The following PDZD7 variants were observed in gnomAD, a reference collection of about 807,000 sequenced individuals.
PDZD7 encodes the protein PDZ domain-containing protein 7.
PDZD7 carries 72 observed loss-of-function variants against 84.7 expected under a neutral mutation model. The ratio of observed to expected loss-of-function variants is 0.85; its 90% CI spans 0.70 to 1.03. The LOEUF (loss-of-function observed/expected upper bound fraction) is 1.03, where lower values mean the gene tolerates loss of function less well. Among genes scored for constraint, PDZD7 ranks in the 50% least tolerant of loss-of-function variants. The pLI is 0.00. For missense variants in PDZD7, 1,490 were observed against 1,412.9 expected, an observed-to-expected ratio of 1.05 and a Z score of -0.87; for synonymous variants, 594 against 580.7, an observed-to-expected ratio of 1.02 and a Z score of -0.33.
chr10:101,008,719 G>A lies in PDZD7; in HGVS notation c.2850C>T (p.Pro950=), dbSNP rs1234005159. The A allele has an allele frequency of 2.0e-5, 30 of 1,535,878 alleles. No homozygotes were observed. Among genetic ancestry groups the A allele is most frequent in the African/African-American group, 1.1e-4 (8 of 73,110 alleles). ...AGGGTGAGGGCCGTGGGCTGGGCCC[G>A]GGGACCCTGACCACAAGCTCCATGG... ...REPMELVVRV[P]GPSPRPSPSD... Residue 950 remains proline, a synonymous_variant, in exon 17 of 17, where the codon CCC becomes CCT. Coordinates refer to ENST00000619208, the MANE Select transcript of PDZD7 (RefSeq NM_001195263.2).
At chr10:101,009,898 C>T (rs1008137372) in intron 15 of PDZD7, among the ~76,000 whole-genome samples, 61 of 151,428 alleles carry the variant, frequency 4.0e-4, no homozygotes, top group Non-Finnish European at 6.8e-4. Flanking sequence ...TGAGCCACCG[C>T]GCCCGGCTGA....
At chr10:101,009,118 C>A (rs562975475) in intron 16 of PDZD7, 132 bp downstream of exon 16, 7 of 861,434 alleles carry the variant, frequency 8.1e-6, no homozygotes, top group Non-Finnish European at 1.2e-5. Flanking sequence ...CTCACCTGAA[C>A]CCCCTCACCC....
rs768585730 is a variant in PDZD7 at position 101,022,388 on chromosome 10, G to A, written c.543-3C>T. Reference sequence around the variant, plus strand: ...GGCGCCGATTCACCACATCCACCCTGGACAACAGCAGGGGGCCCTCAGGTG... The same window carrying A: ...GGCGCCGATTCACCACATCCACCCTAGACAACAGCAGGGGGCCCTCAGGTG... On this transcript the variant is annotated splice_polypyrimidine_tract_variant and splice_region_variant and intron_variant, in intron 4 of 16. Transcript: ENST00000619208. The A allele has an allele frequency of 3.7e-6, 6 of 1,614,070 alleles. No individual in the cohort carries two copies. In the South Asian group the frequency reaches 6.6e-5, roughly 18 times the overall value.
At chr10:101,026,019 A>G (rs1387398898) in intron 2 of PDZD7, among the ~76,000 whole-genome samples, 1 of 152,216 alleles carries the variant, frequency 6.6e-6, no homozygotes, top group African/African-American at 2.4e-5. Flanking sequence ...CTACAAAGGG[A>G]AAGAAACCCC....
At chr10:101,021,499 T>G (rs1853094630) in intron 6 of PDZD7, among the ~76,000 whole-genome samples, 1 of 152,112 alleles carries the variant, frequency 6.6e-6, no homozygotes, top group Non-Finnish European at 1.5e-5. Flanking sequence ...GCAAGACATT[T>G]GTTCCTTTCA....
intron 15 of PDZD7, 41 bp from the exon 16 acceptor site, chr10:101,009,391 C>T: frequency 6.8e-7 from 1 of 1,478,478 alleles, no homozygotes; most frequent in Non-Finnish European, 9.1e-7. Context: ...TGCAGCCGGA[C>T]CCCAAAATGC....
intron 12 of PDZD7, 29 bp downstream of exon 12, chr10:101,012,138 C>T (rs748609610): frequency 7.2e-5 from 112 of 1,547,884 alleles, no homozygotes; most frequent in Non-Finnish European, 9.2e-5. Flanking sequence ...CCTTCCTGCC[C>T]CCAAGCCCTC....
rs560787434 is a variant in PDZD7, at chr10:101,027,837, AT to A, written c.226+2156del. Among the ~76,000 whole-genome samples, 4 of 152,186 alleles carry A rather than the reference AT, an allele frequency of 2.6e-5. No individual in the cohort carries two copies. In the East Asian group the frequency reaches 7.7e-4, roughly 29 times the overall value. ...GGACAGTGCTTGGTATTTGATAGGT[AT>A]TTTTTTTGAATAAGTGAAAGAATAA... is the stretch of plus-strand genomic sequence containing the variant. On this transcript the variant is annotated intron_variant, in intron 2 of 16. Coordinates refer to ENST00000619208, the MANE Select transcript of PDZD7 (RefSeq NM_001195263.2).
intron 2 of PDZD7, among the ~76,000 whole-genome samples, chr10:101,029,164 G>A (rs1937898223): frequency 6.6e-6 from 1 of 152,232 alleles, no homozygotes; most frequent in Non-Finnish European, 1.5e-5. Context: ...CTCATCAGCT[G>A]TTAGTCACCT....
chr10:101,016,250 G>T, intron 10 of PDZD7, 127 bp downstream of exon 10: 1 of 952,822 alleles, frequency 1.0e-6, no homozygotes, highest in Non-Finnish European at 1.6e-6. Flanking sequence ...TACCATTCTA[G>T]CTGCCTGATC....
Position 101,015,713 on chromosome 10 carries a change from G to T in PDZD7, c.1672C>A (p.Arg558=). ...TGGGCCAGGTCCTGAATGAGGGGCC[G>T]CCGGCTCTCCCAGGCCTGAACCTGC... ...DEQVQAWESR[R]PLIQDLAQRL... The change falls in exon 11 of 17, where the codon CGG becomes AGG. Residue 558 remains arginine (R), a synonymous_variant. Transcript: ENST00000619208. 6.5e-7 allele frequency: 1 copy of T among 1,550,312 alleles called. No homozygotes were observed. The highest frequency in any genetic ancestry group is 8.7e-7 in the Non-Finnish European group (1 of 1,146,946).
At chr10:101,028,388 GACC>G (rs1283075395) in intron 2 of PDZD7, among the ~76,000 whole-genome samples, 1 of 152,152 alleles carries the variant, frequency 6.6e-6, no homozygotes, top group Non-Finnish European at 1.5e-5. Flanking sequence ...AGGAGTTCAA[GACC>G]AGCCTGGGCA....
At chr10:101,015,590 G>A (rs1389920945) in intron 11 of PDZD7, 46 bp downstream of exon 11, 2 of 1,494,596 alleles carry the variant, frequency 1.3e-6, no homozygotes, top group East Asian at 4.9e-5. Context: ...TGGGCTGGGT[G>A]ACTGAAGGAC....
At position 101,021,863 on chromosome 10, in the gene PDZD7, C is replaced by G. The variant is rs202154862; in HGVS notation, c.802G>C (p.Asp268His). The G allele has an allele frequency of 1.2e-6, 2 of 1,614,152 alleles. No homozygotes were observed. The highest frequency in any genetic ancestry group is 1.7e-6 in the Non-Finnish European group (2 of 1,180,022). ...VLAANGVRFDDISHSQAVEVL... is the reference protein window; with the variant it reads ...VLAANGVRFDHISHSQAVEVL... ...TCCACGGCCTGGCTGTGGCTGATGT[C>G]GTCAAACCTGACACCGTTGGCTGCC... Residue 268 changes from aspartate (D) to histidine (H), a missense_variant, in exon 6 of 17, where the codon GAC (aspartate) becomes CAC (histidine). Coordinates refer to ENST00000619208, the MANE Select transcript of PDZD7 (RefSeq NM_001195263.2).
Position 101,012,011 on chromosome 10 carries a change from A to G in PDZD7, c.1847T>C (p.Val616Ala). 5.8e-6 allele frequency: 9 copies of G among 1,550,330 alleles called. No individual in the cohort carries two copies. The highest frequency in any genetic ancestry group is 7.8e-6 in the Non-Finnish European group (9 of 1,146,848). ...GCGGCCCAGGTCTGTGGGGGCCACC[A>G]CACTCCTGGGAGAGGGCGAGAGACA... is the stretch of plus-strand genomic sequence containing the variant. The part of the protein sequence containing the change: ...KLLLLQDIRS[V>A]VAPTDLGRFD... The change falls in exon 13 of 17, where the codon GTG becomes GCG. Residue 616 changes from valine (V) to alanine (A), a missense_variant. Transcript: ENST00000619208.
chr10:101,017,879 G>GAAAAAGAA (rs1486905971), intron 9 of PDZD7: 1 of 287,746 alleles, frequency 3.5e-6, no homozygotes, highest in Non-Finnish European at 6.5e-6. Context: ...AAGAAAGAAA[G>GAAAAAGAA]AAAGAAAGAA....
intron 9 of PDZD7, chr10:101,017,313 A>C (rs1012140747): frequency 9.5e-6 from 3 of 315,560 alleles, no homozygotes; most frequent in African/African-American, 2.2e-5. Context: ...GGAGGGGGAC[A>C]GATGTCTGAT....
intron 7 of PDZD7, among the ~76,000 whole-genome samples, chr10:101,019,578 TCCTCCTCC>T (rs1852952000): frequency 1.7e-5 from 2 of 120,510 alleles, no homozygotes; most frequent in Non-Finnish European, 3.7e-5. Flanking sequence ...CTCCTCCTCC[TCCTCCTCC>T]TCTTCTTCTT....
At position 101,018,149 on chromosome 10, in the gene PDZD7, A is replaced by G. The variant is rs1305975202; in HGVS notation, c.1472T>C (p.Leu491Pro). Residue 491 changes from leucine to proline, a missense_variant, in exon 9 of 17, where the codon CTG becomes CCG. Leu to Pro is a moderately conservative substitution (Grantham distance 98). Transcript: ENST00000619208. ...ARDGRREAWT[L>P]DSGSLAKTYP... ...AGTTTTGGCCAGGCTCCCGCTGTCC[A>G]GTGTCCAGGCCTCTCTGCGCCCGTC... 6.2e-7 allele frequency: 1 copy of G among 1,614,204 alleles called. No individual in the cohort carries two copies. Among genetic ancestry groups the G allele is most frequent in the African/African-American group, 1.3e-5 (1 of 75,048 alleles).
Sources: allele counts gnomAD v4.1 joint callset (sites outside exome capture counted in the v4.1 genomes callset), GRCh38; gene constraint gnomAD v4.1.1; transcripts MANE v1.5; gene names NCBI Gene and HGNC (gene_info 2026-07-23, HGNC 2026-07-21).